JMY: variants seen among roughly 807,000 people sequenced by gnomAD.
JMY encodes junction-mediating and -regulatory protein.
JMY carries 46 observed loss-of-function variants against 103.3 expected under a neutral mutation model. The observed-to-expected ratio is 0.45, with a 90% confidence interval of 0.35 to 0.57. JMY has a LOEUF of 0.57. JMY is among the 20% of genes least tolerant of loss of function. The probability of loss-of-function intolerance (pLI) is 0.00; values close to 1 mark genes in which losing one functional copy is unlikely to be tolerated. For missense variants in JMY, 1,238 were observed against 1,255.2 expected, an observed-to-expected ratio of 0.99 and a Z score of 0.21; for synonymous variants, 526 against 489.3, an observed-to-expected ratio of 1.07 and a Z score of -0.99.
At chr5:79,288,850 C>G (rs191285527) in intron 2 of JMY, among the ~76,000 whole-genome samples, 1 of 151,916 alleles carries the variant, frequency 6.6e-6, no homozygotes, top group Non-Finnish European at 1.5e-5. Flanking sequence ...GCAGTTTTTG[C>G]GTGACTCAGC....
Position 79,300,851 on chromosome 5 carries a change from CAG to C in JMY, c.1871_1872del (p.Arg624LysfsTer2). ...GRVSAKKSYL[R>X]NKKEICIAKH... ...GGGTTTCTGCCAAGAAATCCTACCT[CAG>C]AAATAAAAAGGTATTTAAATATTGC... On this transcript the variant is annotated frameshift_variant, in exon 6 of 11. Transcript: ENST00000396137. LOFTEE classifies it high-confidence loss of function. 6.3e-7 allele frequency: 1 copy of C among 1,589,142 alleles called. No homozygotes were observed. The highest frequency in any genetic ancestry group is 8.5e-7 in the Non-Finnish European group (1 of 1,171,916).
chr5:79,273,918 C>A (rs1224445395), intron 1 of JMY, among the ~76,000 whole-genome samples: 1 of 152,122 alleles, frequency 6.6e-6, no homozygotes, highest in African/African-American at 2.4e-5. Flanking sequence ...GCAAGCTCCG[C>A]CTCCCGGGTT....
rs373711492 is a variant in JMY at position 79,278,008 on chromosome 5, C to T, written c.1131C>T (p.Thr377=). 3.7e-6 allele frequency: 6 copies of T among 1,613,812 alleles called. No homozygotes were observed. In the East Asian group the frequency reaches 8.9e-5, roughly 24 times the overall value. ...ACAGCAGCCTTGCAGAAGCTACAAC[C>T]GAACTCTATCAGTATTTACTACAGC... is the stretch of plus-strand genomic sequence containing the variant. ...EAYSSLAEAT[T]ELYQYLLQPF... is the part of the protein sequence containing the mutation. The change falls in exon 2 of 11, where the codon ACC becomes ACT. Residue 377 remains threonine (T), a synonymous_variant. Transcript: ENST00000396137.
At position 79,236,432 on chromosome 5, in the gene JMY, T is replaced by C; in HGVS notation, c.-219T>C. 2.6e-6 allele frequency: 1 copy of C among 388,344 alleles called. No individual in the cohort carries two copies. Among genetic ancestry groups the C allele is most frequent in the Non-Finnish European group, 4.5e-6 (1 of 221,108 alleles). The allele number at this position is 388,344 out of a possible 1,614,324, so 24.1% of individuals were successfully genotyped here. ...GCAGGTGACCATGTGAACTACCTGC[T>C]CCCGGGACGCTTATTGTCCTTCTCT... is the stretch of plus-strand genomic sequence containing the variant. On this transcript the variant is annotated 5_prime_UTR_variant, in exon 1 of 11. Coordinates refer to ENST00000396137, the MANE Select transcript of JMY (RefSeq NM_152405.5).
chr5:79,266,177 C>T (rs72766705), intron 1 of JMY, among the ~76,000 whole-genome samples: 43,231 of 152,102 alleles, frequency 0.28, 7,423 homozygotes, highest in South Asian at 0.45. Context: ...CTCTCATTCA[C>T]AGAGGCGTTC....
intron 1 of JMY, among the ~76,000 whole-genome samples, chr5:79,272,482 T>G (rs1030890312): frequency 6.6e-6 from 1 of 152,116 alleles, no homozygotes; most frequent in African/African-American, 2.4e-5. Context: ...AGCGTGTAGT[T>G]TTTACTTCTT....
chr5:79,251,718 A>C (rs992051293), intron 1 of JMY, among the ~76,000 whole-genome samples: 1 of 147,206 alleles, frequency 6.8e-6, no homozygotes, highest in Non-Finnish European at 1.5e-5. Context: ...TCTACTCTCT[A>C]TTTCAATTGT....
chr5:79,240,188 G>T (rs928438717), intron 1 of JMY, among the ~76,000 whole-genome samples: 36 of 151,396 alleles, frequency 2.4e-4, no homozygotes, highest in Non-Finnish European at 5.0e-4. Flanking sequence ...GCTAATTTTT[G>T]TATTTTTAGT....
chr5:79,258,115 T>G (rs75147528), intron 1 of JMY, among the ~76,000 whole-genome samples: 172 of 152,264 alleles, frequency 1.1e-3, no homozygotes, highest in African/African-American at 3.9e-3. Flanking sequence ...TACATTTTAA[T>G]GAGAGGTATG....
chr5:79,237,232 G>A lies in JMY; in HGVS notation c.582G>A (p.Glu194=), dbSNP rs1319696091. ...CTGGGACGGTCTCCGAGGAGATAGA[G>A]GTGCTGGAAATGGTGAAGGAGGACG... ...SASGTVSEEI[E]VLEMVKEDEA... is the part of the protein sequence containing the mutation. The change falls in exon 1 of 11, where the codon GAG becomes GAA. Residue 194 remains glutamate, a synonymous_variant. Coordinates refer to ENST00000396137, the MANE Select transcript of JMY (RefSeq NM_152405.5). 1.3e-6 allele frequency: 2 copies of A among 1,550,572 alleles called. No individual in the cohort carries two copies. The highest frequency in any genetic ancestry group is 1.4e-5 in the African/African-American group (1 of 73,054).
intron 1 of JMY, among the ~76,000 whole-genome samples, chr5:79,265,074 C>G (rs1483014816): frequency 5.3e-5 from 8 of 152,014 alleles, no homozygotes; most frequent in Admixed American, 2.0e-4. Flanking sequence ...TACAGGCGCC[C>G]GCCACCATGC....
chr5:79,239,392 C>T (rs544056176), intron 1 of JMY, among the ~76,000 whole-genome samples: 4 of 152,292 alleles, frequency 2.6e-5, no homozygotes, highest in African/African-American at 9.6e-5. Flanking sequence ...TCTTAAACTG[C>T]AAGAACCGTT....
chr5:79,292,688 A>G (rs1288869599), intron 4 of JMY, among the ~76,000 whole-genome samples: 1 of 152,088 alleles, frequency 6.6e-6, no homozygotes, highest in Non-Finnish European at 1.5e-5. Context: ...ACAGCTGCCT[A>G]AGAGAGCAGG....
Position 79,300,668 on chromosome 5 carries a change from T to C in JMY, c.1694-8T>C. 1.9e-6 allele frequency: 3 copies of C among 1,586,532 alleles called. No individual in the cohort carries two copies. The highest frequency in any genetic ancestry group is 2.6e-6 in the Non-Finnish European group (3 of 1,171,340). On this transcript the variant is annotated splice_region_variant and splice_polypyrimidine_tract_variant and intron_variant, in intron 5 of 10. Coordinates refer to ENST00000396137, the MANE Select transcript of JMY (RefSeq NM_152405.5). ...TTACCACTACTCTTTTTTGCTGTTC[T>C]GTAACAGAAAAAAGAGATGAAGTGG... is the stretch of plus-strand genomic sequence containing the variant.
rs71830021 is a variant in JMY, at chr5:79,318,741, AATATATATAT to A, written c.*3+2443_*3+2452del. Among the ~76,000 whole-genome samples, 153 of 134,824 alleles carry A rather than the reference AATATATATAT, an allele frequency of 1.1e-3. 1 individual carries two copies. The highest frequency in any genetic ancestry group is 4.0e-3 in the Middle Eastern group (1 of 252). The allele number at this position is 134,824 out of a possible 152,430, so 88.4% of individuals were successfully genotyped here. A position where few individuals can be genotyped will look rare whatever the true frequency, so the allele number is the denominator to read the frequency against. ...ATATGTCCACTATGCTTTGTAAAGG[AATATATATAT>A]ATATATATATAGAGAGAGAGAGAGA... On this transcript the variant is annotated intron_variant, in intron 10 of 10. Transcript: ENST00000396137.
Position 79,237,194 on chromosome 5 carries a change from A to T in JMY, c.544A>T (p.Ile182Leu), listed in dbSNP as rs778218167. 1.9e-5 allele frequency: 30 copies of T among 1,550,196 alleles called. No homozygotes were observed. The highest frequency in any genetic ancestry group is 2.6e-5 in the Non-Finnish European group (30 of 1,146,890). The change falls in exon 1 of 11, where the codon ATA becomes TTA. Residue 182 changes from isoleucine (I) to leucine (L), a missense_variant. Coordinates refer to ENST00000396137, the MANE Select transcript of JMY (RefSeq NM_152405.5). ...PREAQVSSVR[I>L]VSASGTVSEE... ...AGAGGCCCAGGTGTCCTCTGTACGG[A>T]TAGTGAGCGCCTCTGGGACGGTCTC...
At chr5:79,256,093 G>GAA (rs1427490213) in intron 1 of JMY, among the ~76,000 whole-genome samples, 1 of 152,256 alleles carries the variant, frequency 6.6e-6, no homozygotes, top group African/African-American at 2.4e-5. Flanking sequence ...AACCTTGGAA[G>GAA]TCTACCTGGT....
At chr5:79,264,606 A>G (rs917871228) in intron 1 of JMY, among the ~76,000 whole-genome samples, 4 of 152,162 alleles carry the variant, frequency 2.6e-5, no homozygotes, top group Non-Finnish European at 4.4e-5. Flanking sequence ...TATAATTTTA[A>G]TGGCCATTGC....
rs114811046 is a variant in JMY at position 79,301,284 on chromosome 5, G to A, written c.1881+421G>A. Among the ~76,000 whole-genome samples the A allele has an allele frequency of 3.6e-3, 543 of 152,214 alleles. 1 individual carries two copies. Among genetic ancestry groups the A allele is most frequent in the African/African-American group, 0.013 (522 of 41,536 alleles). ...GGAATGACTCATTTTGTGGAAATGTGATTCTTCCTGTGTCTTAAAAAATGT... is the reference window on the plus strand; with the variant it reads ...GGAATGACTCATTTTGTGGAAATGTAATTCTTCCTGTGTCTTAAAAAATGT... On this transcript the variant is annotated intron_variant, in intron 6 of 10. Transcript: ENST00000396137.
Sources: gnomAD v4.1 joint callset for allele counts (sites outside exome capture counted in the v4.1 genomes callset) on GRCh38, gnomAD v4.1.1 for gene constraint, MANE v1.5 for transcripts, NCBI Gene and HGNC (gene_info 2026-07-23, HGNC 2026-07-21) for gene names.